Variants in WNK2 observed in about 807,000 individuals in gnomAD.
The protein encoded by WNK2 is serine/threonine-protein kinase WNK2.
WNK2 carries 67 observed loss-of-function variants against 192.1 expected under a neutral mutation model. The observed-to-expected ratio is 0.35, with a 90% CI of 0.29 to 0.43. WNK2 has a LOEUF of 0.43. WNK2 is among the 20% of genes least tolerant of loss of function. The pLI is 1.00. For synonymous variants in WNK2, 1,439 were observed against 1,393.9 expected, an observed-to-expected ratio of 1.03 and a Z score of -0.72; for missense variants, 2,698 against 3,089.7, an observed-to-expected ratio of 0.87 and a Z score of 3.01.
rs781301066 is a variant in WNK2 at position 93,289,145 on chromosome 9, C to T, written c.4391C>T (p.Ser1464Leu). ...APCTPAPEAASTRDASAPREP... is the reference protein window; with the variant it reads ...APCTPAPEAALTRDASAPREP... ...TGCACTCCAGCTCCAGAGGCTGCCTCAACCAGGGACGCCAGTGCCCCAAGG... is the reference window on the plus strand; with the variant it reads ...TGCACTCCAGCTCCAGAGGCTGCCTTAACCAGGGACGCCAGTGCCCCAAGG... The change falls in exon 20 of 30, where the codon TCA (serine) becomes TTA (leucine). Residue 1464 changes from serine (S) to leucine (L), a missense_variant. Around this residue, in one of 7 missense-constraint regions of WNK2, gnomAD observed 1,098 missense variants for 1,101.0 expected, o/e 1.00. Coordinates refer to ENST00000427277, the MANE Select transcript of WNK2 (RefSeq NM_006648.4). The T allele has an allele frequency of 2.5e-6, 4 of 1,600,458 alleles. No homozygotes were observed. The East Asian group carries it at 9.0e-5, about 36-fold the overall frequency.
chr9:93,185,042 C>A lies in WNK2; in HGVS notation c.113C>A (p.Pro38His). 1 of 1,290,664 alleles carries A rather than the reference C, an allele frequency of 7.7e-7. No individual in the cohort carries two copies. The highest frequency in any genetic ancestry group is 9.8e-7 in the Non-Finnish European group (1 of 1,019,446). The allele number at this position is 1,290,664 out of a possible 1,614,324, so 80.0% of individuals were successfully genotyped here. Residue 38 changes from proline to histidine, a missense_variant, in exon 2 of 30, where the codon CCC becomes CAC. Around this residue, in one of 7 missense-constraint regions of WNK2, gnomAD observed 260 missense variants for 285.6 expected, o/e 0.91. Coordinates refer to ENST00000427277, the MANE Select transcript of WNK2 (RefSeq NM_006648.4). ...CGGGCGAAGGCGGCGCGGCCGGGGC[C>A]CCAGCGCTTTCTGCGGCGCAGCGTG... ...EPRAKAARPGPQRFLRRSVVE... is the reference protein window; with the variant it reads ...EPRAKAARPGHQRFLRRSVVE...
intron 9 of WNK2, 97 bp from the exon 10 acceptor site, chr9:93,256,202 C>G: frequency 7.4e-7 from 1 of 1,345,318 alleles, no homozygotes; most frequent in Non-Finnish European, 9.6e-7. Flanking sequence ...TGGTAGGGAC[C>G]AGGCACAGGG....
In WNK2 at chr9:93,291,413, G is replaced by T. The variant is rs2093329472; in HGVS notation, c.4937-895G>T. The stretch of plus-strand genomic sequence containing the variant: ...AGACAGATTCTAGTTTGGCAAAAGT[G>T]ACCTTTCCTGGAGGTTGGAGCCATT... On this transcript the variant is annotated intron_variant, in intron 21 of 29. Transcript: ENST00000427277. Among the ~76,000 whole-genome samples, 3 of 152,328 alleles carry T rather than the reference G, an allele frequency of 2.0e-5. No homozygotes were observed. In the South Asian group the frequency reaches 6.2e-4, roughly 32 times the overall value.
intron 2 of WNK2, among the ~76,000 whole-genome samples, chr9:93,216,636 A>G (rs988826144): frequency 6.6e-6 from 1 of 151,892 alleles, no homozygotes; most frequent in Non-Finnish European, 1.5e-5. Context: ...AAAAAACAAG[A>G]AACAAAAATT....
intron 19 of WNK2, 67 bp from the exon 20 acceptor site, chr9:93,288,721 C>A: frequency 6.9e-7 from 1 of 1,456,534 alleles, no homozygotes; most frequent in Admixed American, 2.4e-5. Context: ...TCTTTTTAGC[C>A]AAGGAAGAAA....
chr9:93,248,250 A>G (rs1391443080), intron 8 of WNK2, among the ~76,000 whole-genome samples: 3 of 152,224 alleles, frequency 2.0e-5, no homozygotes, highest in African/African-American at 7.2e-5. Context: ...TGTGGACCCT[A>G]GGTATGGGTG....
At chr9:93,199,051 C>T (rs550790216) in intron 2 of WNK2, among the ~76,000 whole-genome samples, 1 of 152,352 alleles carries the variant, frequency 6.6e-6, no homozygotes, top group African/African-American at 2.4e-5. Context: ...CAGGTTCCCA[C>T]ACACCCTGCA....
intron 5 of WNK2, among the ~76,000 whole-genome samples, chr9:93,236,000 G>A (rs1156882833): frequency 6.6e-6 from 1 of 152,172 alleles, no homozygotes; most frequent in Non-Finnish European, 1.5e-5. Context: ...AAGTGGGAGG[G>A]CAGACAGAGT....
rs541456689 is a variant in WNK2, at chr9:93,207,006, G to A, written c.681+21396G>A. Among the ~76,000 whole-genome samples the A allele has an allele frequency of 2.6e-5, 4 of 152,220 alleles. No individual in the cohort carries two copies. In the East Asian group the frequency reaches 7.7e-4, roughly 29 times the overall value. On this transcript the variant is annotated intron_variant, in intron 2 of 29. Coordinates refer to ENST00000427277, the MANE Select transcript of WNK2 (RefSeq NM_006648.4). ...TGAGGAGGACAGCTCCCAGCTTGGA[G>A]GGGTGCCTTGGGGCTGTTTGTGATG...
At chr9:93,224,034 C>T (rs1837397983) in intron 2 of WNK2, among the ~76,000 whole-genome samples, 1 of 152,230 alleles carries the variant, frequency 6.6e-6, no homozygotes, top group South Asian at 2.1e-4. Context: ...TGGGCCAGTT[C>T]TCTGTGCATG....
intron 2 of WNK2, among the ~76,000 whole-genome samples, chr9:93,192,523 C>T (rs1475001209): frequency 6.6e-6 from 1 of 150,730 alleles, no homozygotes; most frequent in African/African-American, 2.4e-5. Context: ...CAGGCTGATC[C>T]TGAGTTGGGA....
At chr9:93,231,841 C>T (rs899392636) in intron 4 of WNK2, among the ~76,000 whole-genome samples, 11 of 152,204 alleles carry the variant, frequency 7.2e-5, no homozygotes, top group East Asian at 1.9e-4. Context: ...CAGGGGTCTG[C>T]GTTGTGCCAT....
intron 9 of WNK2, among the ~76,000 whole-genome samples, chr9:93,253,691 G>A (rs1461165352): frequency 6.6e-6 from 1 of 152,190 alleles, no homozygotes; most frequent in Non-Finnish European, 1.5e-5. Flanking sequence ...AGCACGTGTG[G>A]CAAAGGAGTG....
chr9:93,252,364 G>A (rs892052051), intron 8 of WNK2, among the ~76,000 whole-genome samples: 4 of 152,368 alleles, frequency 2.6e-5, no homozygotes, highest in South Asian at 2.1e-4. Context: ...AATAGTGGGT[G>A]CATTTCCCTC....
chr9:93,233,999 C>A (rs996997887), intron 4 of WNK2, among the ~76,000 whole-genome samples: 2 of 152,294 alleles, frequency 1.3e-5, no homozygotes, highest in Admixed American at 1.3e-4. Context: ...AAACCCCAGA[C>A]CAATATAAGT....
intron 2 of WNK2, among the ~76,000 whole-genome samples, chr9:93,213,864 T>G (rs563053205): frequency 6.6e-6 from 1 of 152,346 alleles, no homozygotes; most frequent in African/African-American, 2.4e-5. Context: ...GTTTGAAGTT[T>G]AATATAAACT....
intron 2 of WNK2, among the ~76,000 whole-genome samples, chr9:93,207,492 C>T (rs896477689): frequency 6.6e-6 from 1 of 152,204 alleles, no homozygotes; most frequent in African/African-American, 2.4e-5. Flanking sequence ...CAGGCCAGCC[C>T]CTCCTTTTTT....
Position 93,289,393 on chromosome 9 carries a change from A to G in WNK2, c.4639A>G (p.Ser1547Gly). The change falls in exon 20 of 30, where the codon AGC becomes GGC. Residue 1547 changes from serine to glycine, a missense_variant. Ser to Gly is a moderately conservative substitution (Grantham distance 56). Transcript: ENST00000427277. ...GCCCCCCAGGGTGGGCTTTGTGGAC[A>G]GCACCATCAAGAGCCTGGACGAGAA... ...GPPPRVGFVDSTIKSLDEKLR... is the reference protein window; with the variant it reads ...GPPPRVGFVDGTIKSLDEKLR... 1 of 1,612,786 alleles carries G rather than the reference A, an allele frequency of 6.2e-7. No homozygotes were observed. Among genetic ancestry groups the G allele is most frequent in the Non-Finnish European group, 8.5e-7 (1 of 1,179,742 alleles).
intron 28 of WNK2, chr9:93,315,783 TTGTGTGTGTGTGTGTGTGTG>T (rs10532270): frequency 6.8e-5 from 8 of 117,110 alleles, no homozygotes; most frequent in Non-Finnish European, 4.2e-5. Flanking sequence ...TGAAGACCCC[TTGTGTGTGTGTGTGTGTGTG>T]TGTGTGTGTG....
Sources: gnomAD v4.1 joint callset for allele counts (sites outside exome capture counted in the v4.1 genomes callset) on GRCh38, gnomAD v4.1.1 for gene constraint, gnomAD v4.1.1 regional missense constraint, MANE v1.5 for transcripts, NCBI Gene and HGNC (gene_info 2026-07-23, HGNC 2026-07-21) for gene names.